Variants in SGK3 observed in about 807,000 individuals in gnomAD.
SGK3 encodes serum/glucocorticoid regulated kinase family member 3.
In SGK3, 47 loss-of-function variants were observed where a neutral mutation model predicts 68.5. That is an observed-to-expected ratio of 0.69 (90% CI 0.54 to 0.87). SGK3 has a LOEUF of 0.87. Among genes scored for constraint, SGK3 ranks in the 40% least tolerant of loss-of-function variants. The pLI is 0.00. For missense variants in SGK3, 479 were observed against 575.5 expected, an observed-to-expected ratio of 0.83 and a Z score of 1.72; for synonymous variants, 181 against 189.1, an observed-to-expected ratio of 0.96 and a Z score of 0.35.
At chr8:66,834,574 G>A (rs77211637) in intron 8 of SGK3, among the ~76,000 whole-genome samples, 3,755 of 152,098 alleles carry the variant, frequency 0.025, 157 homozygotes, top group African/African-American at 0.084. Context: ...GAGTTTTTCT[G>A]TATGTATGCT....
intron 1 of SGK3, among the ~76,000 whole-genome samples, chr8:66,770,903 C>T (rs1806489137): frequency 6.6e-6 from 1 of 152,168 alleles, no homozygotes. Flanking sequence ...CTCCTTCATT[C>T]CACTCCCTGT....
At chr8:66,829,704 AGAG>A (rs1353828065) in intron 7 of SGK3, among the ~76,000 whole-genome samples, 2 of 152,170 alleles carry the variant, frequency 1.3e-5, no homozygotes, top group Non-Finnish European at 2.9e-5. Context: ...CAAGAGAACT[AGAG>A]GAGAGGACAG....
chr8:66,754,786 A>G (rs930308221), intron 1 of SGK3, among the ~76,000 whole-genome samples: 3 of 152,256 alleles, frequency 2.0e-5, no homozygotes, highest in African/African-American at 7.2e-5. Context: ...TGGCATCACC[A>G]TCATTTCTGA....
chr8:66,797,211 T>C (rs1295136799), intron 2 of SGK3, among the ~76,000 whole-genome samples: 2 of 152,194 alleles, frequency 1.3e-5, no homozygotes, highest in Non-Finnish European at 2.9e-5. Context: ...TCTCACCGAG[T>C]CAGCACAGAT....
At chr8:66,774,807 C>T (rs765817701) in intron 1 of SGK3, among the ~76,000 whole-genome samples, 45 of 152,228 alleles carry the variant, frequency 3.0e-4, no homozygotes, top group Admixed American at 5.2e-4. Flanking sequence ...TGACGTCTCA[C>T]GCCTGGAGCC....
chr8:66,815,122 A>G (rs1007977722), intron 5 of SGK3, among the ~76,000 whole-genome samples: 2 of 152,198 alleles, frequency 1.3e-5, no homozygotes, highest in Non-Finnish European at 2.9e-5. Flanking sequence ...ATTACCATTT[A>G]TATGGTTCTT....
Position 66,826,769 on chromosome 8 carries a change from C to T in SGK3, c.418-1885C>T, listed in dbSNP as rs537103065. Among the ~76,000 whole-genome samples the T allele has an allele frequency of 2.4e-4, 37 of 152,060 alleles. No individual in the cohort carries two copies. In the Middle Eastern group the frequency reaches 0.01, roughly 42 times the overall value. On this transcript the variant is annotated intron_variant, in intron 6 of 16. Transcript: ENST00000521198. ...AAGGGATTTTCCTGCCTCGGCCTTT[C>T]GAGTAGCTGGGATTACAGGTGCCCA... is the stretch of plus-strand genomic sequence containing the variant.
chr8:66,792,374 C>A (rs1807500079), intron 1 of SGK3, among the ~76,000 whole-genome samples: 2 of 151,080 alleles, frequency 1.3e-5, no homozygotes, highest in Non-Finnish European at 2.9e-5. Context: ...GCATTTCCAG[C>A]AGCAAATCCA....
At chr8:66,733,951 C>T (rs1805239670) in intron 1 of SGK3, among the ~76,000 whole-genome samples, 1 of 152,140 alleles carries the variant, frequency 6.6e-6, no homozygotes, top group Non-Finnish European at 1.5e-5. Context: ...AACAGTAATG[C>T]AGTTGTACTT....
chr8:66,734,343 A>G (rs1443193654), intron 1 of SGK3, among the ~76,000 whole-genome samples: 1 of 151,316 alleles, frequency 6.6e-6, no homozygotes, highest in Non-Finnish European at 1.5e-5. Context: ...TTGGCTTCAA[A>G]TAATGCTATG....
intron 1 of SGK3, chr8:66,775,777 T>G (rs1467353669): frequency 2.0e-5 from 3 of 152,250 alleles, no homozygotes; most frequent in Admixed American, 2.0e-4. Context: ...GAAACGGGAC[T>G]GTTACTTAAA....
At chr8:66,839,806 A>G in intron 10 of SGK3, 197 bp from the exon 11 acceptor site, 1 of 530,516 alleles carries the variant, frequency 1.9e-6, no homozygotes, top group East Asian at 3.2e-5. Flanking sequence ...CACGTGGTTG[A>G]AGAGAGAGAA....
rs1011486335 is a variant in SGK3, at chr8:66,843,483, C to A, written c.1010C>A (p.Pro337His). 6.2e-7 allele frequency: 1 copy of A among 1,613,708 alleles called. No homozygotes were observed. The highest frequency in any genetic ancestry group is 8.5e-7 in the Non-Finnish European group (1 of 1,179,972). ...YLAPEVIRKQ[P>H]YDNTVDWWCL... is the part of the protein sequence containing the mutation. Reference sequence around the variant, plus strand: ...GCACCTGAAGTAATTAGAAAACAGCCCTATGACAATACTGTAGATTGGTGG... The same window carrying A: ...GCACCTGAAGTAATTAGAAAACAGCACTATGACAATACTGTAGATTGGTGG... Residue 337 changes from proline (P) to histidine (H), a missense_variant, in exon 14 of 17, where the codon CCC becomes CAC. By Grantham distance (77) the Pro-to-His change is moderately conservative. This residue lies in a region of SGK3 where 173 missense variants were observed against 214.3 expected (regional missense o/e 0.81). Coordinates refer to ENST00000521198, the MANE Select transcript of SGK3 (RefSeq NM_001033578.3).
intron 2 of SGK3, among the ~76,000 whole-genome samples, chr8:66,798,208 A>G (rs971131160): frequency 3.3e-5 from 5 of 151,930 alleles, no homozygotes; most frequent in African/African-American, 9.7e-5. Context: ...GGGTCTCCCT[A>G]TGTTGCCCAG....
rs116361283 is a variant in SGK3, at chr8:66,809,385, G to C, written c.254-4468G>C. Among the ~76,000 whole-genome samples the C allele has an allele frequency of 1.6e-3, 240 of 152,270 alleles. 1 individual carries two copies. The highest frequency in any genetic ancestry group is 5.6e-3 in the African/African-American group (233 of 41,568). On this transcript the variant is annotated intron_variant, in intron 4 of 16. Coordinates refer to ENST00000521198, the MANE Select transcript of SGK3 (RefSeq NM_001033578.3). ...CTCAGGGCAGCTTGCCTGAAAGCAG[G>C]GAAGCTATTTAGGATGACTGAAGTT... is the stretch of plus-strand genomic sequence containing the variant.
At position 66,860,788 on chromosome 8, in the gene SGK3, T is replaced by G. The variant is rs1009222066; in HGVS notation, c.*1207T>G. On this transcript the variant is annotated 3_prime_UTR_variant, in exon 17 of 17. Transcript: ENST00000521198. ...TCTTTTCCTAACTGGTTAAGTAAAA[T>G]AAAAAATTGAGCTTTCTAGAATATT... 4 of 152,118 alleles carry G rather than the reference T, an allele frequency of 2.6e-5. No individual in the cohort carries two copies. The highest frequency in any genetic ancestry group is 9.7e-5 in the African/African-American group (4 of 41,416). The allele number at this position is 152,118 out of a possible 1,614,324, so 9.4% of individuals were successfully genotyped here. A position where few individuals can be genotyped will look rare whatever the true frequency, so the allele number is the denominator to read the frequency against.
chr8:66,775,554 C>T (rs1806671551), intron 1 of SGK3: 1 of 152,298 alleles, frequency 6.6e-6, no homozygotes, highest in African/African-American at 2.4e-5. Context: ...GACTTCGCGG[C>T]ACTCATTCAC....
chr8:66,767,464 G>A, intron 1 of SGK3: 2 of 1,436,772 alleles, frequency 1.4e-6, no homozygotes, highest in Non-Finnish European at 2.0e-6. Context: ...GCTTAAAGGA[G>A]ACTGCAACAG....
chr8:66,848,959 C>T (rs1223976683), intron 15 of SGK3, among the ~76,000 whole-genome samples: 2 of 152,210 alleles, frequency 1.3e-5, no homozygotes, highest in African/African-American at 4.8e-5. Context: ...GCAACACTCT[C>T]CTGTTCCCTA....
Sources: gnomAD v4.1 joint callset for allele counts (sites outside exome capture counted in the v4.1 genomes callset) on GRCh38, gnomAD v4.1.1 for gene constraint, gnomAD v4.1.1 regional missense constraint, MANE v1.5 for transcripts, NCBI Gene and HGNC (gene_info 2026-07-23, HGNC 2026-07-21) for gene names.